Variants in SERTAD4 observed in about 807,000 individuals in gnomAD.
SERTAD4 encodes the protein SERTA domain containing 4, also known as SERTA domain-containing protein 4.
SERTAD4 carries 18 observed loss-of-function variants against 32.9 expected under a neutral mutation model. The observed-to-expected ratio is 0.55, with a 90% CI of 0.38 to 0.81. The LOEUF is 0.81. Among genes scored for constraint, SERTAD4 ranks in the 30% least tolerant of loss-of-function variants. The probability of loss-of-function intolerance (pLI) is 0.00; values close to 1 mark genes in which losing one functional copy is unlikely to be tolerated. For synonymous variants in SERTAD4, 150 were observed against 156.4 expected (o/e 0.96, Z 0.30); for missense variants, 383 against 426.0 (o/e 0.90, Z 0.89).
chr1:210,238,010 A>G lies in SERTAD4; in HGVS notation c.50A>G (p.Glu17Gly), dbSNP rs781726367. ...MNRFCEPIVS[E>G]GAAEIAGYQT... ...AGATTCTGCGAGCCCATTGTCTCGG[A>G]AGGAGCTGCTGAAATTGCTGGGTAC... Residue 17 changes from glutamate (E) to glycine (G), a missense_variant, in exon 2 of 4, where the codon GAA (glutamate) becomes GGA (glycine). Glu to Gly is a moderately conservative substitution (Grantham distance 98). Coordinates refer to ENST00000367012, the MANE Select transcript of SERTAD4 (RefSeq NM_019605.5). 1.9e-6 allele frequency: 3 copies of G among 1,613,678 alleles called. No individual in the cohort carries two copies. Among genetic ancestry groups the G allele is most frequent in the Non-Finnish European group, 2.5e-6 (3 of 1,179,926 alleles).
chr1:210,242,075 T>C lies in SERTAD4; in HGVS notation c.809T>C (p.Val270Ala). 6.2e-7 allele frequency: 1 copy of C among 1,614,172 alleles called. No homozygotes were observed. The highest frequency in any genetic ancestry group is 8.5e-7 in the Non-Finnish European group (1 of 1,180,038). Residue 270 changes from valine to alanine, a missense_variant, in exon 4 of 4, where the codon GTC becomes GCC. Around this residue, in one of 3 missense-constraint regions of SERTAD4, gnomAD observed 180 missense variants for 190.6 expected, o/e 0.94. Transcript: ENST00000367012. The surrounding 1 kb of genome is among the most constrained non-coding windows in gnomAD (Gnocchi z 4.0). ...IPANEIFVTN[V>A]RSLGVQEKAK... Reference sequence around the variant, plus strand: ...GCCAATGAAATCTTTGTCACTAATGTCAGATCACTTGGTGTTCAGGAAAAG... The same window carrying C: ...GCCAATGAAATCTTTGTCACTAATGCCAGATCACTTGGTGTTCAGGAAAAG...
chr1:210,242,496 CT>C lies in SERTAD4; in HGVS notation c.*160del. ...CTGGAGAGCAGATTGCGTAAAACAT[CT>C]GTATAGCAGGCATCAGCGAGCTTCT... On this transcript the variant is annotated 3_prime_UTR_variant, in exon 4 of 4. Transcript: ENST00000367012. The surrounding 1 kb of genome is among the most constrained non-coding windows in gnomAD (Gnocchi z 4.0). The C allele has an allele frequency of 7.0e-7, 1 of 1,418,546 alleles. No homozygotes were observed. The allele number at this position is 1,418,546 out of a possible 1,614,324, so 87.9% of individuals were successfully genotyped here. A position where few individuals can be genotyped will look rare whatever the true frequency, so the allele number is the denominator to read the frequency against.
chr1:210,242,410 A>G lies in SERTAD4; in HGVS notation c.*73A>G. 3 of 1,509,840 alleles carry G rather than the reference A, an allele frequency of 2.0e-6. No homozygotes were observed. The highest frequency in any genetic ancestry group is 2.3e-5 in the East Asian group (1 of 44,096). The allele number at this position is 1,509,840 out of a possible 1,614,324, so 93.5% of individuals were successfully genotyped here. ...CTCTCGTAAATTTTATTTTGAATGG[A>G]TTTTGTAGTTTTGTACAACAGATAA... On this transcript the variant is annotated 3_prime_UTR_variant, in exon 4 of 4. Coordinates refer to ENST00000367012, the MANE Select transcript of SERTAD4 (RefSeq NM_019605.5). The surrounding 1 kb of genome is among the most constrained non-coding windows in gnomAD (Gnocchi z 4.0).
rs1365310956 is a variant in SERTAD4, at chr1:210,243,081, TAACA to T, written c.*749_*752del. On this transcript the variant is annotated 3_prime_UTR_variant, in exon 4 of 4. Transcript: ENST00000367012. ...ATAAATCAGAGTTACAGCAGGGATTTAACAAACAGGACAAAAAAAAAAAAAAAAA... is the reference window on the plus strand; with the variant it reads ...ATAAATCAGAGTTACAGCAGGGATTTAACAGGACAAAAAAAAAAAAAAAAA... 9.5e-5 allele frequency: 8 copies of T among 84,148 alleles called. No homozygotes were observed. Among genetic ancestry groups the T allele is most frequent in the Non-Finnish European group, 1.2e-4 (7 of 60,454 alleles). The allele number at this position is 84,148 out of a possible 1,614,324, so 5.2% of individuals were successfully genotyped here. A position where few individuals can be genotyped will look rare whatever the true frequency, so the allele number is the denominator to read the frequency against.
Position 210,242,496 on chromosome 1 carries a change from C to G in SERTAD4, c.*159C>G. Reference sequence around the variant, plus strand: ...CTGGAGAGCAGATTGCGTAAAACATCTGTATAGCAGGCATCAGCGAGCTTC... The same window carrying G: ...CTGGAGAGCAGATTGCGTAAAACATGTGTATAGCAGGCATCAGCGAGCTTC... On this transcript the variant is annotated 3_prime_UTR_variant, in exon 4 of 4. Transcript: ENST00000367012. This position sits in a 1 kb window ranked among gnomAD's most constrained non-coding sequence, Gnocchi z 4.0. 1.4e-6 allele frequency: 2 copies of G among 1,418,546 alleles called. No individual in the cohort carries two copies. The highest frequency in any genetic ancestry group is 9.1e-7 in the Non-Finnish European group (1 of 1,093,898). The allele number at this position is 1,418,546 out of a possible 1,614,324, so 87.9% of individuals were successfully genotyped here. A position where few individuals can be genotyped will look rare whatever the true frequency, so the allele number is the denominator to read the frequency against.
intron 1 of SERTAD4, among the ~76,000 whole-genome samples, chr1:210,235,989 C>T (rs2083937129): frequency 1.3e-5 from 2 of 152,178 alleles, no homozygotes; most frequent in African/African-American, 2.4e-5. Context: ...AATTCATGTG[C>T]TCTTGGCAAT....
chr1:210,232,929 C>G lies in SERTAD4; in HGVS notation c.-100C>G, dbSNP rs1421429021. The G allele has an allele frequency of 6.7e-6, 1 of 149,020 alleles. No homozygotes were observed. The highest frequency in any genetic ancestry group is 2.1e-4 in the South Asian group (1 of 4,828). 9.2% of individuals were successfully genotyped at this position (149,020 alleles called of 1,614,324 possible). ...CCGGGCCGGGACCCGCGAGTGTGCA[C>G]CGGCGGCCGGGCTGGCGCCGAGCCC... On this transcript the variant is annotated 5_prime_UTR_variant, in exon 1 of 4. Transcript: ENST00000367012.
Position 210,243,144 on chromosome 1 carries a change from A to G in SERTAD4, c.*807A>G. The G allele has an allele frequency of 2.0e-6, 2 of 979,896 alleles. No homozygotes were observed. The highest frequency in any genetic ancestry group is 2.4e-6 in the Non-Finnish European group (2 of 825,490). The allele number at this position is 979,896 out of a possible 1,614,324, so 60.7% of individuals were successfully genotyped here. The stretch of plus-strand genomic sequence containing the variant: ...CAGGGTGGATCAATATGGTTTGGAA[A>G]CTGTTAACTTTGAACTATTGTGTTC... On this transcript the variant is annotated 3_prime_UTR_variant, in exon 4 of 4. Transcript: ENST00000367012.
chr1:210,245,365 T>C lies in SERTAD4; in HGVS notation c.*3028T>C, dbSNP rs1289557640. On this transcript the variant is annotated 3_prime_UTR_variant, in exon 4 of 4. Transcript: ENST00000367012. The stretch of plus-strand genomic sequence containing the variant: ...TATCATTAATGAAATCATTAACCTT[T>C]GTCTCTGGTCCTTCCTTTCTAAAAA... 2 of 152,218 alleles carry C rather than the reference T, an allele frequency of 1.3e-5. No homozygotes were observed. The highest frequency in any genetic ancestry group is 2.4e-5 in the African/African-American group (1 of 41,454). 9.4% of individuals were successfully genotyped at this position (152,218 alleles called of 1,614,324 possible).
rs2084044998 is a variant in SERTAD4, at chr1:210,245,926, T to C, written c.*3589T>C. The C allele has an allele frequency of 1.0e-6, 1 of 985,354 alleles. No individual in the cohort carries two copies. Among genetic ancestry groups the C allele is most frequent in the Non-Finnish European group, 1.2e-6 (1 of 829,840 alleles). 61.0% of individuals were successfully genotyped at this position (985,354 alleles called of 1,614,324 possible). On this transcript the variant is annotated 3_prime_UTR_variant, in exon 4 of 4. Coordinates refer to ENST00000367012, the MANE Select transcript of SERTAD4 (RefSeq NM_019605.5). ...TAGGTTTTTATATCCTTCTAACAAA[T>C]GGTGAGCAGGAGACTTTTTTGGAAA... is the stretch of plus-strand genomic sequence containing the variant.
rs1369693203 is a variant in SERTAD4, at chr1:210,244,591, G to C, written c.*2254G>C. The C allele has an allele frequency of 6.6e-6, 1 of 152,108 alleles. No homozygotes were observed. Among genetic ancestry groups the C allele is most frequent in the Non-Finnish European group, 1.5e-5 (1 of 68,034 alleles). 9.4% of individuals were successfully genotyped at this position (152,108 alleles called of 1,614,324 possible). A position where few individuals can be genotyped will look rare whatever the true frequency, so the allele number is the denominator to read the frequency against. On this transcript the variant is annotated 3_prime_UTR_variant, in exon 4 of 4. Coordinates refer to ENST00000367012, the MANE Select transcript of SERTAD4 (RefSeq NM_019605.5). The stretch of plus-strand genomic sequence containing the variant: ...AAGCTAGTTAAAAACTAATTAATTT[G>C]TCAAATGTAGCATTCTTATTATGAG...
intron 1 of SERTAD4, chr1:210,233,620 C>T (rs2147842504): frequency 2.1e-6 from 1 of 465,312 alleles, no homozygotes; most frequent in Non-Finnish European, 4.4e-6. Context: ...GGCGGCTCCT[C>T]TGTCCTCAGC....
chr1:210,240,032 T>C (rs989020254), intron 3 of SERTAD4, among the ~76,000 whole-genome samples: 1 of 152,198 alleles, frequency 6.6e-6, no homozygotes, highest in Non-Finnish European at 1.5e-5. Flanking sequence ...ACAGGGCTTT[T>C]CCTGACCTCT....
Position 210,245,971 on chromosome 1 carries a change from A to AT in SERTAD4, c.*3639dup. 1 of 976,890 alleles carries AT rather than the reference A, an allele frequency of 1.0e-6. No homozygotes were observed. The highest frequency in any genetic ancestry group is 1.2e-6 in the Non-Finnish European group (1 of 822,218). 60.5% of individuals were successfully genotyped at this position (976,890 alleles called of 1,614,324 possible). A position where few individuals can be genotyped will look rare whatever the true frequency, so the allele number is the denominator to read the frequency against. On this transcript the variant is annotated 3_prime_UTR_variant, in exon 4 of 4. Coordinates refer to ENST00000367012, the MANE Select transcript of SERTAD4 (RefSeq NM_019605.5). ...TGGAAATAATTAGTTGTGAAATTCCATTTTTCTGACAGCCCCTTAAATTTG... is the reference window on the plus strand; with the variant it reads ...TGGAAATAATTAGTTGTGAAATTCCATTTTTTCTGACAGCCCCTTAAATTTG...
Position 210,234,216 on chromosome 1 carries a change from G to A in SERTAD4, c.-18+1205G>A, listed in dbSNP as rs530824741. Among the ~76,000 whole-genome samples, 306 of 151,938 alleles carry A rather than the reference G, an allele frequency of 2.0e-3. 1 individual carries two copies. The highest frequency in any genetic ancestry group is 7.0e-3 in the African/African-American group (289 of 41,458). On this transcript the variant is annotated intron_variant, in intron 1 of 3. Coordinates refer to ENST00000367012, the MANE Select transcript of SERTAD4 (RefSeq NM_019605.5). ...ACCCCGGGGGTGTGTCTGTGCGGGA[G>A]CCAGGATGTGGTTGGTGGCTGCCGC...
At chr1:210,239,332 ATGATAGCAACTATTAAGACAAATGTT>A (rs2083972538) in intron 2 of SERTAD4, among the ~76,000 whole-genome samples, 135 bp from the exon 3 acceptor site, 1 of 152,206 alleles carries the variant, frequency 6.6e-6, no homozygotes, top group Non-Finnish European at 1.5e-5. Context: ...AGGATTCCAT[ATGATAGCAACTATTAAGACAAATGTT>A]TATTTTTAAT....
chr1:210,233,742 T>C, intron 1 of SERTAD4: 1 of 471,044 alleles, frequency 2.1e-6, no homozygotes. Context: ...AGTGCCCAGC[T>C]GTGGTCGCAG....
In SERTAD4 at chr1:210,244,647, C is replaced by T. The variant is rs528170567; in HGVS notation, c.*2310C>T. ...TATCTCATGGAGATTTAAATATGAA[C>T]GAAAGGACTTATCCTTCTGCTTTTT... is the stretch of plus-strand genomic sequence containing the variant. On this transcript the variant is annotated 3_prime_UTR_variant, in exon 4 of 4. Transcript: ENST00000367012. The T allele has an allele frequency of 1.8e-4, 27 of 152,110 alleles. No homozygotes were observed. Among genetic ancestry groups the T allele is most frequent in the Admixed American group, 5.9e-4 (9 of 15,274 alleles). 9.4% of individuals were successfully genotyped at this position (152,110 alleles called of 1,614,324 possible).
intron 1 of SERTAD4, chr1:210,233,602 CG>C (rs1467830285): frequency 1.1e-5 from 5 of 453,666 alleles, no homozygotes; most frequent in African/African-American, 2.1e-5. Context: ...AGCTGCGCTG[CG>C]GGCGGCGGCG....
Sources: gnomAD v4.1 joint callset for allele counts (sites outside exome capture counted in the v4.1 genomes callset) on GRCh38, gnomAD v4.1.1 for gene constraint, gnomAD v4.1.1 regional missense constraint, Gnocchi (gnomAD v3.1) non-coding constraint, MANE v1.5 for transcripts, NCBI Gene and HGNC (gene_info 2026-07-23, HGNC 2026-07-21) for gene names.